CEP164: variants seen among roughly 807,000 people sequenced by gnomAD.
CEP164 encodes the protein centrosomal protein 164, also known as centrosomal protein of 164 kDa.
Under a neutral mutation model 182.7 loss-of-function variants are expected in CEP164, and 162 were observed. The observed-to-expected ratio is 0.89, with a 90% CI of 0.78 to 1.01. The LOEUF is 1.01. Ranked by LOEUF, CEP164 falls within the 50% of genes least tolerant of loss-of-function variation. The pLI is 0.00. For synonymous variants in CEP164, 661 were observed against 690.0 expected, an observed-to-expected ratio of 0.96 and a Z score of 0.66; for missense variants, 1,735 against 1,790.4, an observed-to-expected ratio of 0.97 and a Z score of 0.56.
At position 117,409,647 on chromosome 11, in the gene CEP164, A is replaced by G; in HGVS notation, c.3778A>G (p.Lys1260Glu). The stretch of plus-strand genomic sequence containing the variant: ...CTCAACCCCGAGTCTCACCTCCCGC[A>G]AGATCCACGGGCTTAGCCACTCCCT... ...IDSTPSLTSR[K>E]IHGLSHSLRQ... The change falls in exon 30 of 33, where the codon AAG (lysine) becomes GAG (glutamate). Residue 1260 changes from lysine (K) to glutamate (E), a missense_variant. Lys to Glu is a moderately conservative substitution (Grantham distance 56). Transcript: ENST00000278935. This position sits in a 1 kb window ranked among gnomAD's most constrained non-coding sequence, Gnocchi z 4.4. 6.2e-7 allele frequency: 1 copy of G among 1,610,348 alleles called. No homozygotes were observed. The highest frequency in any genetic ancestry group is 8.5e-7 in the Non-Finnish European group (1 of 1,177,008).
chr11:117,334,690 C>T (rs942740403), intron 1 of CEP164, among the ~76,000 whole-genome samples: 4 of 143,120 alleles, frequency 2.8e-5, no homozygotes, highest in African/African-American at 7.8e-5. Context: ...GCAGCTGAGG[C>T]AAGAGACTAG....
intron 14 of CEP164, chr11:117,384,699 G>A (rs2043744388): frequency 6.6e-6 from 1 of 152,202 alleles, no homozygotes; most frequent in South Asian, 2.1e-4. Flanking sequence ...ATCCCCTTAG[G>A]AAATGCCTTC....
chr11:117,369,409 G>A (rs888484070), intron 8 of CEP164, among the ~76,000 whole-genome samples: 1 of 152,178 alleles, frequency 6.6e-6, no homozygotes, highest in South Asian at 2.1e-4. Context: ...TTTGAGCCTG[G>A]GCAGCCTCTG....
chr11:117,345,075 A>G (rs979924504), intron 4 of CEP164, among the ~76,000 whole-genome samples: 1 of 152,256 alleles, frequency 6.6e-6, no homozygotes, highest in African/African-American at 2.4e-5. Flanking sequence ...TGGCTCTGCC[A>G]TATCTGAATT....
chr11:117,381,684 C>T lies in CEP164; in HGVS notation c.1410-17C>T, dbSNP rs2043331265. ...AATGGAGGGGCCTGACTCTGCTGCT[C>T]TGCCCGGCCTGACCAGGTTATCTCC... On this transcript the variant is annotated splice_polypyrimidine_tract_variant and intron_variant, in intron 12 of 32. Coordinates refer to ENST00000278935, the MANE Select transcript of CEP164 (RefSeq NM_014956.5). 2 of 1,601,374 alleles carry T rather than the reference C, an allele frequency of 1.2e-6. No homozygotes were observed. Among genetic ancestry groups the T allele is most frequent in the East Asian group, 2.2e-5 (1 of 44,538 alleles).
At chr11:117,348,804 C>A (rs2135381829) in intron 4 of CEP164, among the ~76,000 whole-genome samples, 1 of 152,308 alleles carries the variant, frequency 6.6e-6, no homozygotes, top group Middle Eastern at 3.4e-3. Flanking sequence ...ATTTTCCCCT[C>A]TCCTTAATCT....
chr11:117,396,189 G>A lies in CEP164; in HGVS notation c.3216+9G>A, dbSNP rs1371674017. 1 of 1,546,392 alleles carries A rather than the reference G, an allele frequency of 6.5e-7. No homozygotes were observed. The highest frequency in any genetic ancestry group is 8.9e-7 in the Non-Finnish European group (1 of 1,122,512). On this transcript the variant is annotated intron_variant, in intron 25 of 32. Coordinates refer to ENST00000278935, the MANE Select transcript of CEP164 (RefSeq NM_014956.5). ...GGAAATCCCTTGGAACAGTGAGCTG[G>A]GGGCTGGGGCCTGGGGGCTGGGGCA... is the stretch of plus-strand genomic sequence containing the variant.
In CEP164 at chr11:117,394,931, C is replaced by G. The variant is rs117473319; in HGVS notation, c.2772C>G (p.Leu924=). 3.2e-3 allele frequency: 5,093 copies of G among 1,614,106 alleles called. 14 individuals carry two copies. Among genetic ancestry groups the G allele is most frequent in the Non-Finnish European group, 4.0e-3 (4,752 of 1,179,992 alleles). The change falls in exon 22 of 33, where the codon CTC becomes CTG. Residue 924 remains leucine (L), a synonymous_variant. Coordinates refer to ENST00000278935, the MANE Select transcript of CEP164 (RefSeq NM_014956.5). This position sits in a 1 kb window ranked among gnomAD's most constrained non-coding sequence, Gnocchi z 4.0. The part of the protein sequence containing the change: ...RRRHREQERK[L]QDLELDLETR... ...CCCTTTCTGGGCAGGAAAGGAAGCT[C>G]CAGGATTTAGAGTTGGACCTTGAAA...
intron 1 of CEP164, among the ~76,000 whole-genome samples, chr11:117,329,412 A>C (rs2035841389): frequency 1.3e-5 from 2 of 151,244 alleles, no homozygotes; most frequent in African/African-American, 4.9e-5. Context: ...CTGTCTTGCC[A>C]CTCCTCCCAC....
In CEP164 at chr11:117,392,521, T is replaced by C. The variant is rs749036047; in HGVS notation, c.2387T>C (p.Ile796Thr). 1 of 1,614,078 alleles carries C rather than the reference T, an allele frequency of 6.2e-7. No individual in the cohort carries two copies. The highest frequency in any genetic ancestry group is 8.5e-7 in the Non-Finnish European group (1 of 1,180,006). The change falls in exon 19 of 33, where the codon ATA (isoleucine) becomes ACA (threonine). Residue 796 changes from isoleucine (I) to threonine (T), a missense_variant. Coordinates refer to ENST00000278935, the MANE Select transcript of CEP164 (RefSeq NM_014956.5). ...REVVSSLQKK[I>T]QEAQQKEEAQ... ...GTGGTCTCCAGCCTCCAGAAGAAGATACAGGAAGCTCAACAGAAAGAGGAG... is the reference window on the plus strand; with the variant it reads ...GTGGTCTCCAGCCTCCAGAAGAAGACACAGGAAGCTCAACAGAAAGAGGAG...
intron 2 of CEP164, among the ~76,000 whole-genome samples, chr11:117,337,520 A>G (rs1206968988): frequency 6.6e-6 from 1 of 151,934 alleles, no homozygotes; most frequent in African/African-American, 2.4e-5. Context: ...TAAAAAAAAA[A>G]AAAAGTAAAA....
At chr11:117,396,749 G>A (rs764178921) in intron 26 of CEP164, 138 bp downstream of exon 26, 27 of 735,858 alleles carry the variant, frequency 3.7e-5, no homozygotes, top group South Asian at 1.8e-4. Context: ...GGAAGGCTCC[G>A]GAGGATTAAG....
intron 27 of CEP164, among the ~76,000 whole-genome samples, chr11:117,399,335 A>T (rs1253650400): frequency 6.6e-6 from 1 of 152,200 alleles, no homozygotes; most frequent in Non-Finnish European, 1.5e-5. Context: ...ATGGCTGCAT[A>T]GTATTCCATG....
intron 2 of CEP164, among the ~76,000 whole-genome samples, chr11:117,337,423 TCTTA>T (rs2037337591): frequency 6.6e-6 from 1 of 151,296 alleles, no homozygotes. Context: ...TGTGTATTTT[TCTTA>T]CTTTGAGAGG....
chr11:117,380,840 C>T, intron 12 of CEP164, 135 bp downstream of exon 12: 1 of 728,746 alleles, frequency 1.4e-6, no homozygotes, highest in Non-Finnish European at 2.3e-6. Flanking sequence ...GGCTGGATGG[C>T]CTTGCAGGGT....
intron 11 of CEP164, among the ~76,000 whole-genome samples, chr11:117,379,709 G>T (rs563753900): frequency 2.0e-5 from 3 of 152,158 alleles, no homozygotes; most frequent in Admixed American, 2.0e-4. Flanking sequence ...AGACTTCCTA[G>T]GCAGGAAGAG....
intron 3 of CEP164, among the ~76,000 whole-genome samples, chr11:117,343,242 G>T (rs572247434): frequency 6.6e-6 from 1 of 152,308 alleles, no homozygotes; most frequent in East Asian, 1.9e-4. Context: ...TGGAAGGGAG[G>T]GTTCAGTGAG....
chr11:117,387,061 GC>G lies in CEP164; in HGVS notation c.1725-139del, dbSNP rs1592323833. The G allele has an allele frequency of 9.5e-6, 7 of 735,258 alleles. No homozygotes were observed. In the East Asian group the frequency reaches 1.5e-4, roughly 16 times the overall value. The allele number at this position is 735,258 out of a possible 1,614,324, so 45.5% of individuals were successfully genotyped here. ...AAGCATTGACTGTATCTCTTGGCCT[GC>G]CCTTGGGTGACCTCTTTGACTCCTG... is the stretch of plus-strand genomic sequence containing the variant. On this transcript the variant is annotated intron_variant, in intron 14 of 32. Transcript: ENST00000278935.
In CEP164 at chr11:117,362,536, C is replaced by A; in HGVS notation, c.685C>A (p.Gln229Lys). ...NEEDEEESDN[Q>K]SVHSSSEPLR... is the part of the protein sequence containing the mutation. ...GGAGGATGAGGAGGAAAGTGACAACCAGGTAATGATGAAGTCCTCTCCCTG... is the reference window on the plus strand; with the variant it reads ...GGAGGATGAGGAGGAAAGTGACAACAAGGTAATGATGAAGTCCTCTCCCTG... The change falls in exon 7 of 33, where the codon CAG becomes AAG. Residue 229 changes from glutamine to lysine, a missense_variant and splice_region_variant. Physicochemically the swap from Gln to Lys is moderately conservative, Grantham distance 53. Coordinates refer to ENST00000278935, the MANE Select transcript of CEP164 (RefSeq NM_014956.5). 6.2e-7 allele frequency: 1 copy of A among 1,613,078 alleles called. No homozygotes were observed. The highest frequency in any genetic ancestry group is 1.1e-5 in the South Asian group (1 of 90,998).
Sources: gnomAD v4.1 joint callset for allele counts (sites outside exome capture counted in the v4.1 genomes callset) on GRCh38, gnomAD v4.1.1 for gene constraint, Gnocchi (gnomAD v3.1) non-coding constraint, MANE v1.5 for transcripts, NCBI Gene and HGNC (gene_info 2026-07-23, HGNC 2026-07-21) for gene names.